CCDC69: variants seen among roughly 807,000 people sequenced by gnomAD.
CCDC69 encodes the protein coiled-coil domain containing 69.
A neutral mutation model predicts 40.3 loss-of-function variants in CCDC69; 38 were observed. The ratio of observed to expected loss-of-function variants is 0.94; its 90% confidence interval spans 0.73 to 1.24. CCDC69 has a LOEUF of 1.24. Among genes scored for constraint, CCDC69 ranks in the 50% most tolerant of loss-of-function variants. The pLI, the probability that CCDC69 is intolerant of heterozygous loss-of-function variation, is 0.00. For synonymous variants in CCDC69, 141 were observed against 138.9 expected (o/e 1.02, Z -0.11); for missense variants, 389 against 357.9 (o/e 1.09, Z -0.70).
intron 5 of CCDC69, among the ~76,000 whole-genome samples, chr5:151,186,764 C>T (rs904142819): frequency 2.0e-5 from 3 of 152,110 alleles, no homozygotes; most frequent in East Asian, 1.9e-4. Flanking sequence ...TGACCACTAC[C>T]GTTAGGCTAG....
In CCDC69 at chr5:151,219,120, T is replaced by C. The variant is rs371229674; in HGVS notation, c.48+4803A>G. On this transcript the variant is annotated intron_variant, in intron 1 of 8. Coordinates refer to ENST00000355417, the MANE Select transcript of CCDC69 (RefSeq NM_015621.3). Reference sequence around the variant, plus strand: ...CTCGGAGGCCATGTACATGCCAACATCTCCATGATGGTTGGGGCAGGGGGC... The same window carrying C: ...CTCGGAGGCCATGTACATGCCAACACCTCCATGATGGTTGGGGCAGGGGGC... Among the ~76,000 whole-genome samples, 12 of 152,240 alleles carry C rather than the reference T, an allele frequency of 7.9e-5. 2 individuals are homozygous for C. The highest frequency in any genetic ancestry group is 2.6e-4 in the Admixed American group (4 of 15,288).
intron 4 of CCDC69, among the ~76,000 whole-genome samples, chr5:151,196,796 C>G (rs1487151012): frequency 6.6e-6 from 1 of 152,208 alleles, no homozygotes; most frequent in African/African-American, 2.4e-5. Flanking sequence ...GGTACAGCCC[C>G]TGTGGAAAAC....
Position 151,183,570 on chromosome 5 carries a change from T to G in CCDC69, c.758A>C (p.Lys253Thr), listed in dbSNP as rs778517045. The G allele has an allele frequency of 6.2e-7, 1 of 1,612,664 alleles. No homozygotes were observed. Among genetic ancestry groups the G allele is most frequent in the Non-Finnish European group, 8.5e-7 (1 of 1,179,644 alleles). The stretch of plus-strand genomic sequence containing the variant: ...GAGCTGTCGCCGCAGCTGCACCTCC[T>G]TCTCCAGGGCCTCACGCGTGAGAAG... ...DLLLTREALE[K>T]EVQLRRQLQQ... is the part of the protein sequence containing the mutation. The change falls in exon 9 of 9, where the codon AAG becomes ACG. Residue 253 changes from lysine to threonine, a missense_variant. Transcript: ENST00000355417.
rs901362282 is a variant in CCDC69, at chr5:151,181,987, C to G, written c.*1450G>C. 1.7e-4 allele frequency: 26 copies of G among 152,182 alleles called. No individual in the cohort carries two copies. The highest frequency in any genetic ancestry group is 3.1e-4 in the Non-Finnish European group (21 of 68,042). 9.4% of individuals were successfully genotyped at this position (152,182 alleles called of 1,614,324 possible). ...CCTAGAAACAGAAGGAGACTGTACA[C>G]AGGGGAATACAGAAGGCAGTCTGGG... On this transcript the variant is annotated 3_prime_UTR_variant, in exon 9 of 9. Transcript: ENST00000355417.
chr5:151,219,688 A>G (rs971349236), intron 1 of CCDC69, among the ~76,000 whole-genome samples: 1 of 152,172 alleles, frequency 6.6e-6, no homozygotes, highest in Non-Finnish European at 1.5e-5. Context: ...ACAAAGAATG[A>G]CACTGAAATG....
chr5:151,200,560 G>A (rs1324302356), intron 3 of CCDC69, among the ~76,000 whole-genome samples: 1 of 152,182 alleles, frequency 6.6e-6, no homozygotes, highest in Non-Finnish European at 1.5e-5. Flanking sequence ...CTTTCCTGCT[G>A]CTCTACCCAT....
intron 7 of CCDC69, 181 bp from the exon 8 acceptor site, chr5:151,184,622 G>A (rs757910895): frequency 9.5e-6 from 5 of 526,614 alleles, no homozygotes; most frequent in East Asian, 3.0e-5. Context: ...AAAGGGCTGC[G>A]GCTTTTTGCC....
At chr5:151,214,534 T>G (rs1047236425) in intron 1 of CCDC69, among the ~76,000 whole-genome samples, 3 of 152,148 alleles carry the variant, frequency 2.0e-5, no homozygotes, top group African/African-American at 7.2e-5. Flanking sequence ...TCATTGAAAC[T>G]CAAACACTGC....
intron 4 of CCDC69, among the ~76,000 whole-genome samples, chr5:151,194,991 A>T (rs1752677727): frequency 6.6e-6 from 1 of 152,104 alleles, no homozygotes; most frequent in Admixed American, 6.5e-5. Flanking sequence ...TAATTTAAAA[A>T]ATAAAAAAAA....
At chr5:151,186,280 C>T (rs998748108) in intron 5 of CCDC69, among the ~76,000 whole-genome samples, 156 bp from the exon 6 acceptor site, 1 of 150,234 alleles carries the variant, frequency 6.7e-6, no homozygotes, top group African/African-American at 2.5e-5. Context: ...TCGACCACTG[C>T]TTGAGATCTA....
At chr5:151,218,612 A>G (rs1582053146) in intron 1 of CCDC69, among the ~76,000 whole-genome samples, 1 of 152,178 alleles carries the variant, frequency 6.6e-6, no homozygotes, top group Admixed American at 6.5e-5. Context: ...TGATCTATGC[A>G]CCCTGAGATG....
intron 4 of CCDC69, among the ~76,000 whole-genome samples, chr5:151,198,546 A>T (rs1752733771): frequency 1.3e-5 from 2 of 152,196 alleles, no homozygotes. Flanking sequence ...GTGCTGTAAG[A>T]TCTTTTTGTC....
At chr5:151,192,742 C>T (rs936469592) in intron 4 of CCDC69, among the ~76,000 whole-genome samples, 3 of 152,098 alleles carry the variant, frequency 2.0e-5, no homozygotes, top group African/African-American at 4.8e-5. Flanking sequence ...AACATAGACA[C>T]AAACATTCTC....
intron 4 of CCDC69, among the ~76,000 whole-genome samples, chr5:151,195,483 G>A (rs1752683526): frequency 6.6e-6 from 1 of 152,034 alleles, no homozygotes; most frequent in Non-Finnish European, 1.5e-5. Context: ...CACTTTAGGA[G>A]GCCGAGGCAG....
chr5:151,200,016 C>T (rs1752754867), intron 3 of CCDC69, among the ~76,000 whole-genome samples: 1 of 152,200 alleles, frequency 6.6e-6, no homozygotes, highest in Non-Finnish European at 1.5e-5. Context: ...AGTGCTGAGG[C>T]CGCACCCTCC....
At chr5:151,217,456 G>A (rs1027021381) in intron 1 of CCDC69, among the ~76,000 whole-genome samples, 5 of 152,162 alleles carry the variant, frequency 3.3e-5, no homozygotes, top group Non-Finnish European at 7.4e-5. Context: ...CGATATGAAA[G>A]TTTCCTAAAG....
intron 1 of CCDC69, among the ~76,000 whole-genome samples, chr5:151,218,441 T>C (rs1753084413): frequency 2.0e-5 from 3 of 152,148 alleles, no homozygotes; most frequent in Admixed American, 2.0e-4. Context: ...CACCCTGAGG[T>C]GTCAGAGCCA....
At chr5:151,223,668 C>T (rs544653935) in intron 1 of CCDC69, among the ~76,000 whole-genome samples, 5 of 152,328 alleles carry the variant, frequency 3.3e-5, no homozygotes, top group Admixed American at 6.5e-5. Context: ...TCTCCCCACC[C>T]GAGGCAGCGG....
Position 151,222,534 on chromosome 5 carries a change from C to G in CCDC69, c.48+1389G>C, listed in dbSNP as rs1466095231. 3.3e-5 allele frequency among the ~76,000 whole-genome samples: 5 copies of G among 152,342 alleles called. No individual in the cohort carries two copies. The South Asian group carries it at 1.0e-3, about 32-fold the overall frequency. The stretch of plus-strand genomic sequence containing the variant: ...CTTAGGGATCATCCTGCTCATCACT[C>G]CCCATACAGGGAGAAACTGAGACCC... On this transcript the variant is annotated intron_variant, in intron 1 of 8. Transcript: ENST00000355417.
Sources: allele counts gnomAD v4.1 joint callset (sites outside exome capture counted in the v4.1 genomes callset), GRCh38; gene constraint gnomAD v4.1.1; transcripts MANE v1.5; gene names NCBI Gene and HGNC (gene_info 2026-07-23, HGNC 2026-07-21).